The following SUSD1 variants were observed in gnomAD, a reference collection of about 807,000 sequenced individuals.
SUSD1 encodes the protein sushi domain containing 1.
A neutral mutation model predicts 86.9 loss-of-function variants in SUSD1; 65 were observed. That is an observed-to-expected ratio of 0.75 (90% confidence interval 0.61 to 0.92). SUSD1 has a LOEUF of 0.92. SUSD1 is among the 40% of genes least tolerant of loss of function. The probability of loss-of-function intolerance (pLI) is 0.00; values close to 1 mark genes in which losing one functional copy is unlikely to be tolerated. For synonymous variants in SUSD1, 346 were observed against 350.0 expected (o/e 0.99, Z 0.13); for missense variants, 850 against 929.7 (o/e 0.91, Z 1.11).
chr9:112,068,213 A>G (rs947066533), intron 12 of SUSD1, among the ~76,000 whole-genome samples: 1 of 152,148 alleles, frequency 6.6e-6, no homozygotes, highest in African/African-American at 2.4e-5. Flanking sequence ...CATCTAACTG[A>G]AGGCAGGGAG....
intron 2 of SUSD1, among the ~76,000 whole-genome samples, chr9:112,152,816 G>A (rs1346060755): frequency 2.2e-5 from 3 of 133,890 alleles, no homozygotes; most frequent in Admixed American, 8.5e-5. Context: ...GTGCAGTGGT[G>A]TGACCATAGC....
intron 12 of SUSD1, among the ~76,000 whole-genome samples, chr9:112,064,795 G>A (rs1018912881): frequency 1.3e-5 from 2 of 150,884 alleles, no homozygotes; most frequent in African/African-American, 4.9e-5. Flanking sequence ...AGAATCGCTT[G>A]AACCGGGCAG....
rs977408546 is a variant in SUSD1, at chr9:112,158,142, G to A, written c.104-529C>T. 6.6e-5 allele frequency among the ~76,000 whole-genome samples: 10 copies of A among 151,880 alleles called. No individual in the cohort carries two copies. The South Asian group carries it at 2.1e-3, about 32-fold the overall frequency. Reference sequence around the variant, plus strand: ...CTAGGCCACAGTCAATGCTCTTAGTGATCTCACTCCAGACATACTCCTCCA... The same window carrying A: ...CTAGGCCACAGTCAATGCTCTTAGTAATCTCACTCCAGACATACTCCTCCA... On this transcript the variant is annotated intron_variant, in intron 1 of 16. Coordinates refer to ENST00000374270, the MANE Select transcript of SUSD1 (RefSeq NM_022486.5).
At chr9:112,136,083 T>C (rs568902233) in intron 5 of SUSD1, among the ~76,000 whole-genome samples, 3 of 152,306 alleles carry the variant, frequency 2.0e-5, no homozygotes, top group South Asian at 2.1e-4. Context: ...GGAGACATAT[T>C]TTAATGGCAT....
At chr9:112,069,117 T>C (rs949149933) in intron 12 of SUSD1, among the ~76,000 whole-genome samples, 5 of 151,772 alleles carry the variant, frequency 3.3e-5, no homozygotes, top group African/African-American at 9.7e-5. Flanking sequence ...AGGGAGCCAG[T>C]ATCAAAGTAT....
At chr9:112,077,499 CTTTTTTTTTT>C (rs869259276) in intron 12 of SUSD1, among the ~76,000 whole-genome samples, 3 of 66,420 alleles carry the variant, frequency 4.5e-5, no homozygotes, top group Admixed American at 3.5e-4. Context: ...TAGTAATCTA[CTTTTTTTTTT>C]TTTTTTTTTT....
chr9:112,129,912 G>A (rs111787192), intron 5 of SUSD1, among the ~76,000 whole-genome samples: 250 of 152,290 alleles, frequency 1.6e-3, no homozygotes, highest in African/African-American at 5.7e-3. Context: ...CAGATCATAC[G>A]TCTAAATAAC....
chr9:112,062,811 A>G, intron 13 of SUSD1, 126 bp downstream of exon 13: 1 of 574,658 alleles, frequency 1.7e-6, no homozygotes, highest in South Asian at 2.7e-5. Context: ...AAGAGGCCCC[A>G]ACTGCATTGT....
At chr9:112,106,063 C>T (rs1830826262) in intron 8 of SUSD1, among the ~76,000 whole-genome samples, 1 of 152,272 alleles carries the variant, frequency 6.6e-6, no homozygotes, top group South Asian at 2.1e-4. Flanking sequence ...GATCTTGGCT[C>T]ACTGCAAGCT....
intron 10 of SUSD1, among the ~76,000 whole-genome samples, chr9:112,082,874 C>T (rs747840709): frequency 1.3e-5 from 2 of 152,052 alleles, no homozygotes; most frequent in Admixed American, 6.6e-5. Context: ...CACACCACCA[C>T]GTCCGGCTTA....
At chr9:112,087,833 C>T (rs1416405072) in intron 10 of SUSD1, among the ~76,000 whole-genome samples, 1 of 152,046 alleles carries the variant, frequency 6.6e-6, no homozygotes, top group Admixed American at 6.6e-5. Flanking sequence ...GATAACTTTA[C>T]AAGAATAAAG....
intron 13 of SUSD1, among the ~76,000 whole-genome samples, chr9:112,059,327 G>A (rs752298606): frequency 9.2e-5 from 14 of 152,186 alleles, no homozygotes; most frequent in Non-Finnish European, 1.6e-4. Context: ...CCCTGTGTGT[G>A]TGTCATAAAA....
intron 8 of SUSD1, among the ~76,000 whole-genome samples, chr9:112,105,211 G>C (rs561379307): frequency 7.2e-5 from 11 of 152,236 alleles, no homozygotes; most frequent in Middle Eastern, 3.4e-3. Context: ...AGTGCACATA[G>C]AGAACAAACT....
rs1190952968 is a variant in SUSD1 at position 112,080,122 on chromosome 9, G to A, written c.1518C>T (p.Cys506=). Residue 506 remains cysteine, a synonymous_variant, in exon 11 of 17, where the codon TGC becomes TGT. Coordinates refer to ENST00000374270, the MANE Select transcript of SUSD1 (RefSeq NM_022486.5). ...ISNISGFNET[C]LRWRSIKTAD... Reference sequence around the variant, plus strand: ...CTGTCTTGATGCTTCTCCATCTCAAGCAGGTTTCATTAAATCCTGAAATGT... The same window carrying A: ...CTGTCTTGATGCTTCTCCATCTCAAACAGGTTTCATTAAATCCTGAAATGT... 6.2e-7 allele frequency: 1 copy of A among 1,613,454 alleles called. No individual in the cohort carries two copies. Among genetic ancestry groups the A allele is most frequent in the Non-Finnish European group, 8.5e-7 (1 of 1,179,660 alleles).
intron 15 of SUSD1, 54 bp from the exon 16 acceptor site, chr9:112,042,014 A>G (rs557054662): frequency 1.9e-6 from 3 of 1,597,256 alleles, no homozygotes; most frequent in South Asian, 2.2e-5. Flanking sequence ...ACCACCTCCC[A>G]GGAGGCACAC....
At chr9:112,042,684 C>T (rs1418194193) in intron 15 of SUSD1, among the ~76,000 whole-genome samples, 1 of 152,212 alleles carries the variant, frequency 6.6e-6, no homozygotes, top group Non-Finnish European at 1.5e-5. Context: ...TTAGCACTTA[C>T]TATGTGCCAG....
At chr9:112,126,056 G>A (rs371432622) in intron 5 of SUSD1, among the ~76,000 whole-genome samples, 39 of 152,320 alleles carry the variant, frequency 2.6e-4, no homozygotes, top group African/African-American at 8.2e-4. Flanking sequence ...ACCTTTAGAC[G>A]TATTTAATGG....
chr9:112,066,684 G>A (rs568952539), intron 12 of SUSD1, among the ~76,000 whole-genome samples: 2 of 152,290 alleles, frequency 1.3e-5, no homozygotes, highest in Admixed American at 6.5e-5. Flanking sequence ...TACTTTATAT[G>A]TAAGTGCTCA....
rs371041239 is a variant in SUSD1 at position 112,063,062 on chromosome 9, G to T, written c.1754-29C>A. 1.1e-5 allele frequency: 15 copies of T among 1,414,984 alleles called. No individual in the cohort carries two copies. The African/African-American group carries it at 2.0e-4, about 19-fold the overall frequency. The allele number at this position is 1,414,984 out of a possible 1,614,324, so 87.7% of individuals were successfully genotyped here. A position where few individuals can be genotyped will look rare whatever the true frequency, so the allele number is the denominator to read the frequency against. On this transcript the variant is annotated intron_variant, in intron 12 of 16. Transcript: ENST00000374270. Reference sequence around the variant, plus strand: ...AAAACATGTTGAAAAGAAGAAAAGGGGTATGATTGGAACAAGTAAACAGCA... The same window carrying T: ...AAAACATGTTGAAAAGAAGAAAAGGTGTATGATTGGAACAAGTAAACAGCA...
Sources: allele counts gnomAD v4.1 joint callset (sites outside exome capture counted in the v4.1 genomes callset), GRCh38; gene constraint gnomAD v4.1.1; transcripts MANE v1.5; gene names NCBI Gene and HGNC (gene_info 2026-07-23, HGNC 2026-07-21).